Variants in TRAPPC9 observed in about 807,000 individuals in gnomAD.
The protein encoded by TRAPPC9 is trafficking protein particle complex subunit 9.
In TRAPPC9, 83 loss-of-function variants were observed where a neutral mutation model predicts 124.0. The ratio of observed to expected loss-of-function variants is 0.67; its 90% confidence interval spans 0.56 to 0.80. The LOEUF is 0.80. TRAPPC9 is among the 30% of genes least tolerant of loss of function. The pLI, the probability that TRAPPC9 is intolerant of heterozygous loss-of-function variation, is 0.00. For synonymous variants in TRAPPC9, 638 were observed against 617.5 expected, an observed-to-expected ratio of 1.03 and a Z score of -0.49; for missense variants, 1,302 against 1,508.3, an observed-to-expected ratio of 0.86 and a Z score of 2.27.
chr8:140,163,963 A>T (rs2130905153), intron 17 of TRAPPC9, among the ~76,000 whole-genome samples: 1 of 152,348 alleles, frequency 6.6e-6, no homozygotes, highest in East Asian at 1.9e-4. Context: ...TAATAAAAGA[A>T]TTGCTAATTT....
rs185879443 is a variant in TRAPPC9 at position 140,275,100 on chromosome 8, C to T, written c.2278+558G>A. Among the ~76,000 whole-genome samples the T allele has an allele frequency of 1.5e-3, 221 of 152,326 alleles. 3 individuals carry two copies. The highest frequency in any genetic ancestry group is 7.3e-5 in the Non-Finnish European group (5 of 68,034). ...GACACACCAGGTGTCCTGCCAAACA[C>T]GACCTCCCTAGTTCACTCTTGTAAT... On this transcript the variant is annotated intron_variant, in intron 15 of 22. Coordinates refer to ENST00000438773, the MANE Select transcript of TRAPPC9 (RefSeq NM_001160372.4).
intron 19 of TRAPPC9, among the ~76,000 whole-genome samples, chr8:139,910,740 C>G (rs563238275): frequency 1.3e-5 from 2 of 151,544 alleles, no homozygotes; most frequent in African/African-American, 2.4e-5. Context: ...GCCTCCTCCC[C>G]CTACCATTTC....
rs146442047 is a variant in TRAPPC9 at position 140,118,241 on chromosome 8, C to T, written c.2557-94162G>A. Among the ~76,000 whole-genome samples, 495 of 152,320 alleles carry T rather than the reference C, an allele frequency of 3.2e-3. 2 individuals carry two copies. The highest frequency in any genetic ancestry group is 0.012 in the African/African-American group (478 of 41,560). ...CAGACCAGCCGCCTGGAATGGGAAC[C>T]AGACAGGAAGTTCAAGTAAGTCCAG... On this transcript the variant is annotated intron_variant, in intron 17 of 22. Coordinates refer to ENST00000438773, the MANE Select transcript of TRAPPC9 (RefSeq NM_001160372.4).
At chr8:140,174,805 C>T (rs1336932986) in intron 17 of TRAPPC9, among the ~76,000 whole-genome samples, 1 of 152,186 alleles carries the variant, frequency 6.6e-6, no homozygotes. Context: ...ACAGTTTATC[C>T]ATTCACCAGC....
chr8:140,384,823 T>C (rs1284761363), intron 7 of TRAPPC9, among the ~76,000 whole-genome samples: 1 of 152,180 alleles, frequency 6.6e-6, no homozygotes, highest in Non-Finnish European at 1.5e-5. Flanking sequence ...GCAGACCTAA[T>C]AGACATCTAC....
intron 19 of TRAPPC9, among the ~76,000 whole-genome samples, chr8:139,974,650 C>T (rs1048231349): frequency 6.6e-6 from 1 of 152,084 alleles, no homozygotes; most frequent in African/African-American, 2.4e-5. Context: ...CCTGGGCCCA[C>T]TAAAGCATCC....
intron 21 of TRAPPC9, among the ~76,000 whole-genome samples, chr8:139,733,546 T>C (rs548958367): frequency 6.6e-6 from 1 of 152,272 alleles, no homozygotes; most frequent in East Asian, 1.9e-4. Flanking sequence ...TTTGACTTCA[T>C]GTCATCCAAG....
chr8:140,130,255 C>A (rs2061182098), intron 17 of TRAPPC9, among the ~76,000 whole-genome samples: 1 of 146,262 alleles, frequency 6.8e-6, no homozygotes, highest in Non-Finnish European at 1.6e-5. Flanking sequence ...AGAACAGGAT[C>A]TTTACATCAC....
chr8:140,259,342 G>C (rs1321194184), intron 15 of TRAPPC9, among the ~76,000 whole-genome samples: 2 of 152,132 alleles, frequency 1.3e-5, no homozygotes, highest in African/African-American at 4.8e-5. Context: ...CACCATCCAG[G>C]TACCAAGCAG....
chr8:139,926,655 GTTGCAGTGAGCTGAGA>G (rs1832839902), intron 19 of TRAPPC9, among the ~76,000 whole-genome samples: 1 of 150,472 alleles, frequency 6.6e-6, no homozygotes, highest in South Asian at 2.1e-4. Context: ...GGAGGCGGAG[GTTGCAGTGAGCTGAGA>G]TTGCGCCACT....
chr8:140,284,049 C>A, intron 13 of TRAPPC9, 28 bp from the exon 14 acceptor site: 1 of 1,613,548 alleles, frequency 6.2e-7, no homozygotes, highest in South Asian at 1.1e-5. Context: ...CTTCTTCACT[C>A]CACTGGCAAG....
chr8:139,815,683 C>T (rs1413926254), intron 21 of TRAPPC9, among the ~76,000 whole-genome samples: 1 of 152,216 alleles, frequency 6.6e-6, no homozygotes, highest in Non-Finnish European at 1.5e-5. Context: ...AGCCACAGCG[C>T]CCGGCAAGCA....
chr8:139,935,791 T>G (rs1195292793), intron 19 of TRAPPC9, among the ~76,000 whole-genome samples: 1 of 152,222 alleles, frequency 6.6e-6, no homozygotes, highest in African/African-American at 2.4e-5. Context: ...TACCATTATT[T>G]AGTGTTTTAC....
At position 140,397,726 on chromosome 8, in the gene TRAPPC9, A is replaced by G. The variant is rs2069137377; in HGVS notation, c.1028T>C (p.Ile343Thr). 6.2e-7 allele frequency: 1 copy of G among 1,614,150 alleles called. No individual in the cohort carries two copies. The highest frequency in any genetic ancestry group is 1.3e-5 in the African/African-American group (1 of 75,052). Residue 343 changes from isoleucine to threonine, a missense_variant, in exon 7 of 23, where the codon ATT (isoleucine) becomes ACT (threonine). Physicochemically the swap from Ile to Thr is moderately conservative, Grantham distance 89 (BLOSUM62 -1). Coordinates refer to ENST00000438773, the MANE Select transcript of TRAPPC9 (RefSeq NM_001160372.4). ...YYSKYKNAGVIELEACIKAVR... is the reference protein window; with the variant it reads ...YYSKYKNAGVTELEACIKAVR... ...AGCCTTGATGCACGCTTCCAACTCAATCACTCCCGCATTCTTATACTGCAG... is the reference window on the plus strand; with the variant it reads ...AGCCTTGATGCACGCTTCCAACTCAGTCACTCCCGCATTCTTATACTGCAG...
At position 140,405,664 on chromosome 8, in the gene TRAPPC9, G is replaced by C. The variant is rs2132432393; in HGVS notation, c.921C>G (p.Thr307=). Residue 307 remains threonine, a synonymous_variant, in exon 6 of 23, where the codon ACC becomes ACG. Coordinates refer to ENST00000438773, the MANE Select transcript of TRAPPC9 (RefSeq NM_001160372.4). ...ALTTNGINPD[T]STEIGRAKNC... The stretch of plus-strand genomic sequence containing the variant: ...TCTTAGCACGTCCGATCTCAGTACT[G>C]GTGTCAGGGTTGATGCCATTGGTGG... The C allele has an allele frequency of 6.2e-7, 1 of 1,614,100 alleles. No individual in the cohort carries two copies. Among genetic ancestry groups the C allele is most frequent in the African/African-American group, 1.3e-5 (1 of 75,050 alleles).
At chr8:139,812,135 A>T (rs550027973) in intron 21 of TRAPPC9, among the ~76,000 whole-genome samples, 1 of 152,322 alleles carries the variant, frequency 6.6e-6, no homozygotes, top group Admixed American at 6.5e-5. Context: ...TATTGAGAGG[A>T]ATTTTGTGGT....
chr8:140,272,384 ATGGTGATGGTGGCGATGGTGATAATGGTG>A (rs2064968712), intron 15 of TRAPPC9, among the ~76,000 whole-genome samples: 5 of 125,046 alleles, frequency 4.0e-5, no homozygotes, highest in African/African-American at 5.6e-5. Context: ...GGTGGTGATG[ATGGTGATGGTGGCGATGGTGATAATGGTG>A]ATGGTGATGG....
rs778829123 is a variant in TRAPPC9 at position 140,129,005 on chromosome 8, T to TAAA, written c.2556+92451_2556+92453dup. 3.0e-3 allele frequency among the ~76,000 whole-genome samples: 401 copies of TAAA among 134,716 alleles called. 2 individuals carry two copies. Among genetic ancestry groups the TAAA allele is most frequent in the African/African-American group, 0.011 (381 of 35,970 alleles). The allele number at this position is 134,716 out of a possible 152,430, so 88.4% of individuals were successfully genotyped here. A position where few individuals can be genotyped will look rare whatever the true frequency, so the allele number is the denominator to read the frequency against. Reference sequence around the variant, plus strand: ...TATATATACATATATATATATATATTAAAAAAAAAAAGAAGACTCCTCTCC... The same window carrying TAAA: ...TATATATACATATATATATATATATTAAAAAAAAAAAAAAGAAGACTCCTCTCC... On this transcript the variant is annotated intron_variant, in intron 17 of 22. Coordinates refer to ENST00000438773, the MANE Select transcript of TRAPPC9 (RefSeq NM_001160372.4).
At chr8:140,139,783 G>A (rs141730652) in intron 17 of TRAPPC9, among the ~76,000 whole-genome samples, 11 of 152,188 alleles carry the variant, frequency 7.2e-5, no homozygotes, top group East Asian at 3.9e-4. Context: ...CAGGGGCACC[G>A]CAGGAGGCCC....
Sources: allele counts gnomAD v4.1 joint callset (sites outside exome capture counted in the v4.1 genomes callset), GRCh38; gene constraint gnomAD v4.1.1; transcripts MANE v1.5; gene names NCBI Gene and HGNC (gene_info 2026-07-23, HGNC 2026-07-21).